The following PTPRD variants were observed in gnomAD, a reference collection of about 807,000 sequenced individuals.
PTPRD encodes the protein protein tyrosine phosphatase receptor type D, also known as receptor-type tyrosine-protein phosphatase delta.
Under a neutral mutation model 214.5 loss-of-function variants are expected in PTPRD, and 34 were observed. That is an observed-to-expected ratio of 0.16 (90% CI 0.12 to 0.21). The LOEUF (loss-of-function observed/expected upper bound fraction) is 0.21. Among genes scored for constraint, PTPRD ranks in the 10% least tolerant of loss-of-function variants. The pLI is 1.00. For synonymous variants in PTPRD, 1,128 were observed against 845.7 expected (o/e 1.33, Z -5.79); for missense variants, 2,545 against 2,398.7 (o/e 1.06, Z -1.27).
intron 5 of PTPRD, among the ~76,000 whole-genome samples, chr9:9,887,120 A>C (rs1260526629): frequency 1.3e-5 from 2 of 152,162 alleles, no homozygotes; most frequent in East Asian, 3.9e-4. Context: ...AGTGACTTAC[A>C]CATTGGTGGC....
At chr9:9,766,666 T>A (rs2098709300) in intron 6 of PTPRD, 144 bp downstream of exon 6, 1 of 152,168 alleles carries the variant, frequency 6.6e-6, no homozygotes, top group African/African-American at 2.4e-5. Flanking sequence ...TCTGATGTTT[T>A]CTCACTATTA....
chr9:9,341,933 C>T (rs1187876536), intron 9 of PTPRD, among the ~76,000 whole-genome samples: 2 of 152,068 alleles, frequency 1.3e-5, no homozygotes, highest in Non-Finnish European at 2.9e-5. Flanking sequence ...CTCAGCCTCT[C>T]CAGTAGCTGG....
intron 9 of PTPRD, among the ~76,000 whole-genome samples, chr9:9,208,300 C>T (rs566953895): frequency 1.1e-4 from 17 of 151,702 alleles, no homozygotes; most frequent in Non-Finnish European, 2.4e-4. Context: ...AGGCGTGAGC[C>T]ACCAAGCCCC....
At chr9:9,427,544 A>T (rs929539125) in intron 8 of PTPRD, among the ~76,000 whole-genome samples, 1 of 151,834 alleles carries the variant, frequency 6.6e-6, no homozygotes, top group Non-Finnish European at 1.5e-5. Context: ...CAACATTGAA[A>T]TCAGGAAACA....
intron 3 of PTPRD, among the ~76,000 whole-genome samples, chr9:10,293,875 T>C (rs1660851000): frequency 6.6e-6 from 1 of 151,966 alleles, no homozygotes; most frequent in Admixed American, 6.6e-5. Flanking sequence ...GAAATGTTCT[T>C]AAGAACAGCA....
At chr9:10,383,251 G>A (rs146499979) in intron 2 of PTPRD, among the ~76,000 whole-genome samples, 3 of 151,928 alleles carry the variant, frequency 2.0e-5, no homozygotes, top group African/African-American at 7.2e-5. Context: ...AAATGTAACT[G>A]TTTTCAAACA....
chr9:9,920,214 A>C (rs536489738), intron 5 of PTPRD, among the ~76,000 whole-genome samples: 7 of 152,192 alleles, frequency 4.6e-5, no homozygotes, highest in Non-Finnish European at 7.4e-5. Flanking sequence ...ATATTAGAAA[A>C]CAGAACAGTT....
At chr9:9,036,645 G>A (rs960367662) in intron 10 of PTPRD, among the ~76,000 whole-genome samples, 4 of 152,100 alleles carry the variant, frequency 2.6e-5, no homozygotes, top group Admixed American at 1.3e-4. Context: ...ACTCTATGGC[G>A]GAGAGGGAGA....
chr9:9,237,992 C>T (rs995524562), intron 9 of PTPRD, among the ~76,000 whole-genome samples: 12 of 152,128 alleles, frequency 7.9e-5, no homozygotes, highest in Non-Finnish European at 1.5e-4. Context: ...TTCCTTAAAT[C>T]CTTGATATGT....
At chr9:8,637,777 G>A (rs539045446) in intron 12 of PTPRD, among the ~76,000 whole-genome samples, 1 of 152,262 alleles carries the variant, frequency 6.6e-6, no homozygotes, top group Non-Finnish European at 1.5e-5. Context: ...TTCTGTCACA[G>A]TGAAATAAAA....
chr9:8,664,485 G>A (rs886573810), intron 12 of PTPRD, among the ~76,000 whole-genome samples: 3 of 152,122 alleles, frequency 2.0e-5, no homozygotes, highest in Non-Finnish European at 4.4e-5. Flanking sequence ...ATATCAAACT[G>A]CACACCAAGA....
intron 9 of PTPRD, among the ~76,000 whole-genome samples, chr9:9,280,418 G>A (rs948867552): frequency 6.6e-6 from 1 of 151,214 alleles, no homozygotes; most frequent in African/African-American, 2.4e-5. Context: ...AAACCAGTAA[G>A]TGATTATTGA....
intron 2 of PTPRD, among the ~76,000 whole-genome samples, chr9:10,548,113 T>TA (rs1016061375): frequency 5.9e-5 from 9 of 152,094 alleles, no homozygotes; most frequent in Admixed American, 5.9e-4. Flanking sequence ...TTAAAAAGCT[T>TA]AAAAAAAGAG....
rs145830142 is a variant in PTPRD at position 8,729,353 on chromosome 9, T to C, written c.64+4427A>G. ...AAGGGTTTATAAGAACTCCTACATATAGGACTTTGCAGAGAAGCAAGCTGG... is the reference window on the plus strand; with the variant it reads ...AAGGGTTTATAAGAACTCCTACATACAGGACTTTGCAGAGAAGCAAGCTGG... On this transcript the variant is annotated intron_variant, in intron 12 of 45. Transcript: ENST00000381196. Among the ~76,000 whole-genome samples, 145 of 152,172 alleles carry C rather than the reference T, an allele frequency of 9.5e-4. 2 individuals are homozygous for C. Among genetic ancestry groups the C allele is most frequent in the African/African-American group, 3.4e-3 (142 of 41,490 alleles).
chr9:9,794,201 GTA>G lies in PTPRD; in HGVS notation c.-367-27352_-367-27351del, dbSNP rs112615686. Among the ~76,000 whole-genome samples, 193 of 146,558 alleles carry G rather than the reference GTA, an allele frequency of 1.3e-3. 1 individual carries two copies. The highest frequency in any genetic ancestry group is 2.5e-3 in the African/African-American group (101 of 40,056). ...TGTATATATACATATGTGTGTGTGT[GTA>G]TATATATATATATACACGTACATAT... On this transcript the variant is annotated intron_variant, in intron 5 of 45. Coordinates refer to ENST00000381196, the MANE Select transcript of PTPRD (RefSeq NM_002839.4).
intron 7 of PTPRD, among the ~76,000 whole-genome samples, chr9:9,686,945 T>G (rs2097176034): frequency 6.6e-6 from 1 of 151,732 alleles, no homozygotes; most frequent in African/African-American, 2.4e-5. Flanking sequence ...GAAACAAAAA[T>G]GTATAAGACA....
At chr9:9,357,858 T>C (rs10125868) in intron 9 of PTPRD, among the ~76,000 whole-genome samples, 1 of 128,400 alleles carries the variant, frequency 7.8e-6, no homozygotes, top group East Asian at 2.5e-4. Context: ...ATGTCTTTCC[T>C]TTTTTTTCCC....
At chr9:9,131,815 G>C (rs2099843115) in intron 10 of PTPRD, among the ~76,000 whole-genome samples, 1 of 152,198 alleles carries the variant, frequency 6.6e-6, no homozygotes, top group South Asian at 2.1e-4. Flanking sequence ...AATGTACGTA[G>C]TGGTTCATGT....
chr9:8,464,551 C>T (rs549948638), intron 32 of PTPRD, among the ~76,000 whole-genome samples: 1 of 151,892 alleles, frequency 6.6e-6, no homozygotes, highest in Non-Finnish European at 1.5e-5. Flanking sequence ...ATCTTTGATA[C>T]ATTGTGAGCT....
Sources: allele counts gnomAD v4.1 joint callset (sites outside exome capture counted in the v4.1 genomes callset), GRCh38; gene constraint gnomAD v4.1.1; transcripts MANE v1.5; gene names NCBI Gene and HGNC (gene_info 2026-07-23, HGNC 2026-07-21).